Variants in ATXN7 observed in about 807,000 individuals in gnomAD.
ATXN7 encodes ataxin 7, also known as ataxin-7.
In ATXN7, 12 loss-of-function variants were observed where a neutral mutation model predicts 70.5. The observed-to-expected ratio is 0.17, with a 90% CI of 0.11 to 0.28. The LOEUF (loss-of-function observed/expected upper bound fraction) is 0.28. ATXN7 is among the 10% of genes least tolerant of loss of function. ATXN7 has a pLI of 1.00. For missense variants in ATXN7, 1,256 were observed against 1,131.7 expected (o/e 1.11, Z -1.58); for synonymous variants, 498 against 448.7 (o/e 1.11, Z -1.39).
chr3:63,867,058 G>T (rs1446851656), intron 1 of ATXN7: 2 of 151,810 alleles, frequency 1.3e-5, no homozygotes, highest in African/African-American at 4.8e-5. Flanking sequence ...GAGAGAGCTA[G>T]CTATATATGG....
intron 5 of ATXN7, among the ~76,000 whole-genome samples, chr3:63,959,234 T>A (rs2075084790): frequency 6.6e-6 from 1 of 152,352 alleles, no homozygotes; most frequent in East Asian, 1.9e-4. Context: ...GAGAATTGGC[T>A]GACATGTTTA....
At chr3:63,936,274 GC>G (rs2074661162) in intron 4 of ATXN7, among the ~76,000 whole-genome samples, 1 of 151,894 alleles carries the variant, frequency 6.6e-6, no homozygotes, top group African/African-American at 2.4e-5. Context: ...ATACAATAAG[GC>G]CTCTAAATGC....
At chr3:63,889,144 G>A (rs1175814675) in intron 1 of ATXN7, among the ~76,000 whole-genome samples, 2 of 152,114 alleles carry the variant, frequency 1.3e-5, no homozygotes, top group African/African-American at 4.8e-5. Flanking sequence ...CGTAATAGCT[G>A]ATTATAGCAT....
intron 5 of ATXN7, among the ~76,000 whole-genome samples, chr3:63,971,485 G>A (rs759130058): frequency 6.6e-6 from 1 of 152,204 alleles, no homozygotes; most frequent in Non-Finnish European, 1.5e-5. Flanking sequence ...AGTGGATGGA[G>A]TAGGACCATG....
At chr3:63,866,636 AT>A (rs1177160692) in intron 1 of ATXN7, among the ~76,000 whole-genome samples, 1 of 152,140 alleles carries the variant, frequency 6.6e-6, no homozygotes, top group Non-Finnish European at 1.5e-5. Flanking sequence ...CAGCTACATG[AT>A]TTTACTTGCA....
chr3:63,912,562 T>TC (rs1411624852), intron 2 of ATXN7, 26 bp from the exon 3 acceptor site: 1 of 1,110,212 alleles, frequency 9.0e-7, no homozygotes. Context: ...CGCGACTCTT[T>TC]CCCCCTTTTT....
intron 8 of ATXN7, among the ~76,000 whole-genome samples, chr3:63,985,202 C>G (rs1326597810): frequency 6.6e-6 from 1 of 152,194 alleles, no homozygotes; most frequent in Non-Finnish European, 1.5e-5. Flanking sequence ...AGGAGCTTGA[C>G]TGGCATTCTT....
intron 2 of ATXN7, chr3:63,911,761 C>T (rs552590179): frequency 6.6e-5 from 10 of 152,368 alleles, no homozygotes; most frequent in Admixed American, 3.3e-4. Flanking sequence ...GCACACGGTA[C>T]TTCGTCCTGA....
At chr3:63,867,412 C>T (rs1487280317) in intron 1 of ATXN7, among the ~76,000 whole-genome samples, 1 of 152,142 alleles carries the variant, frequency 6.6e-6, no homozygotes, top group Non-Finnish European at 1.5e-5. Context: ...GAAACTGGCT[C>T]ACTGCATCCT....
intron 2 of ATXN7, among the ~76,000 whole-genome samples, chr3:63,907,171 A>G (rs1400416601): frequency 6.6e-6 from 1 of 152,224 alleles, no homozygotes; most frequent in African/African-American, 2.4e-5. Context: ...TTATAGATGT[A>G]GAAATATGCA....
At chr3:63,913,880 C>T (rs930047518) in intron 4 of ATXN7, among the ~76,000 whole-genome samples, 3 of 152,066 alleles carry the variant, frequency 2.0e-5, no homozygotes. Context: ...TAGGGTATGC[C>T]TCCAAATGAA....
intron 1 of ATXN7, chr3:63,873,987 C>T (rs369492017): frequency 6.6e-6 from 1 of 152,372 alleles, no homozygotes; most frequent in Non-Finnish European, 1.5e-5. Flanking sequence ...AGGCATCAGC[C>T]ACCACACCTG....
At chr3:63,956,096 A>C (rs2075034639) in intron 5 of ATXN7, among the ~76,000 whole-genome samples, 1 of 152,178 alleles carries the variant, frequency 6.6e-6, no homozygotes, top group African/African-American at 2.4e-5. Context: ...TGGCATTTCC[A>C]GTTTTTTCAG....
chr3:63,906,975 A>G (rs1194840370), intron 2 of ATXN7, among the ~76,000 whole-genome samples: 2 of 152,244 alleles, frequency 1.3e-5, no homozygotes, highest in Admixed American at 1.3e-4. Flanking sequence ...ATGTTAGAGC[A>G]ATCACTAACA....
Position 63,941,822 on chromosome 3 carries a change from A to G in ATXN7, c.395-10557A>G, listed in dbSNP as rs538353340. 2.6e-5 allele frequency among the ~76,000 whole-genome samples: 4 copies of G among 152,304 alleles called. No homozygotes were observed. In the South Asian group the frequency reaches 6.2e-4, roughly 24 times the overall value. The stretch of plus-strand genomic sequence containing the variant: ...GGAGTTGTGCTTATGGAAGGTGGAA[A>G]TAAAATTCTACCTTTTTCCTTTCCT... On this transcript the variant is annotated intron_variant, in intron 4 of 12. Transcript: ENST00000674280.
intron 5 of ATXN7, among the ~76,000 whole-genome samples, chr3:63,956,681 C>T (rs1299631979): frequency 6.6e-6 from 1 of 152,054 alleles, no homozygotes; most frequent in Non-Finnish European, 1.5e-5. Context: ...ATTGCTTTCA[C>T]AGATGCAGAT....
intron 12 of ATXN7, 194 bp downstream of exon 12, chr3:63,996,677 T>G (rs144811575): frequency 3.0e-6 from 2 of 669,072 alleles, no homozygotes; most frequent in East Asian, 2.8e-5. Flanking sequence ...CAGGCTCTTC[T>G]GCCAGAATTT....
At chr3:63,990,463 C>A (rs554599565) in intron 10 of ATXN7, 89 bp downstream of exon 10, 3 of 1,499,724 alleles carry the variant, frequency 2.0e-6, no homozygotes, top group Non-Finnish European at 1.8e-6. Flanking sequence ...CTTGGCATGC[C>A]CGTATGTGTG....
At chr3:63,932,788 T>C (rs1240252376) in intron 4 of ATXN7, among the ~76,000 whole-genome samples, 2 of 152,214 alleles carry the variant, frequency 1.3e-5, no homozygotes, top group Non-Finnish European at 2.9e-5. Flanking sequence ...GCAGTAGTTC[T>C]TCCAGGCAGC....
Sources: allele counts gnomAD v4.1 joint callset (sites outside exome capture counted in the v4.1 genomes callset), GRCh38; gene constraint gnomAD v4.1.1; transcripts MANE v1.5; gene names NCBI Gene and HGNC (gene_info 2026-07-23, HGNC 2026-07-21).